FBXO7: variants seen among roughly 807,000 people sequenced by gnomAD.
FBXO7 encodes the protein F-box protein 7.
A neutral mutation model predicts 50.2 loss-of-function variants in FBXO7; 31 were observed. The observed-to-expected ratio is 0.62, with a 90% CI of 0.46 to 0.83. The LOEUF (loss-of-function observed/expected upper bound fraction) is 0.83, where lower values mean the gene tolerates loss of function less well. FBXO7 is among the 40% of genes least tolerant of loss of function. FBXO7 has a pLI of 0.00. For synonymous variants in FBXO7, 256 were observed against 253.1 expected (o/e 1.01, Z -0.11); for missense variants, 667 against 646.6 (o/e 1.03, Z -0.34).
At chr22:32,494,583 A>G (rs1324626566) in intron 7 of FBXO7, among the ~76,000 whole-genome samples, 1 of 151,830 alleles carries the variant, frequency 6.6e-6, no homozygotes, top group African/African-American at 2.4e-5. Context: ...CTCCAACTCA[A>G]AAAAGAATTG....
At position 32,485,146 on chromosome 22, in the gene FBXO7, C is replaced by G. The variant is rs1229365105; in HGVS notation, c.724C>G (p.Leu242Val). The change falls in exon 4 of 9, where the codon CTC becomes GTC. Residue 242 changes from leucine (L) to valine (V), a missense_variant. By Grantham distance (32) the Leu-to-Val change is conservative. Transcript: ENST00000266087. ...GVYKLQYMHP[L>V]CEGSSATLTC... ...GTATAAGCTGCAGTACATGCATCCT[C>G]TCTGCGAGGGCAGCTCCGCTACTCT... 1 of 1,614,066 alleles carries G rather than the reference C, an allele frequency of 6.2e-7. No homozygotes were observed. Among genetic ancestry groups the G allele is most frequent in the African/African-American group, 1.3e-5 (1 of 74,918 alleles).
At chr22:32,482,331 A>G (rs1002923496) in intron 2 of FBXO7, among the ~76,000 whole-genome samples, 7 of 152,190 alleles carry the variant, frequency 4.6e-5, no homozygotes, top group Admixed American at 4.6e-4. Flanking sequence ...TTGGAAGAAC[A>G]GCTGTCACCT....
rs2057447925 is a variant in FBXO7 at position 32,479,190 on chromosome 22, A to G, written c.332A>G (p.Asn111Ser). The G allele has an allele frequency of 3.7e-6, 6 of 1,613,996 alleles. No homozygotes were observed. Among genetic ancestry groups the G allele is most frequent in the African/African-American group, 1.3e-5 (1 of 74,902 alleles). The change falls in exon 2 of 9, where the codon AAT becomes AGT. Residue 111 changes from asparagine (N) to serine (S), a missense_variant. Transcript: ENST00000266087. ...NEQPSLATSS[N>S]QTSMQDEQPS... ...CAACCCTCTTTGGCCACCAGCTCCA[A>G]TCAGACTAGCATGCAGGATGAACAA...
intron 7 of FBXO7, 47 bp from the exon 8 acceptor site, chr22:32,495,446 A>C: frequency 7.6e-7 from 1 of 1,321,178 alleles, no homozygotes; most frequent in Non-Finnish European, 1.1e-6. Flanking sequence ...TTAATGCAGG[A>C]CGAATGAAAT....
chr22:32,490,976 G>A (rs2146000003), intron 5 of FBXO7, 110 bp from the exon 6 acceptor site: 3 of 780,324 alleles, frequency 3.8e-6, no homozygotes, highest in Non-Finnish European at 6.7e-6. Flanking sequence ...GCTTATCTTT[G>A]TGAATTATTT....
At chr22:32,480,071 C>T (rs2145989488) in intron 2 of FBXO7, among the ~76,000 whole-genome samples, 1 of 152,312 alleles carries the variant, frequency 6.6e-6, no homozygotes, top group East Asian at 1.9e-4. Context: ...AAATCTAGCC[C>T]ATTAATAAGC....
At chr22:32,475,513 C>A in intron 1 of FBXO7, 1 of 1,299,590 alleles carries the variant, frequency 7.7e-7, no homozygotes, top group Non-Finnish European at 1.1e-6. Context: ...TTGGGTTAAA[C>A]CTTTCTGGAC....
chr22:32,495,533 A>G lies in FBXO7; in HGVS notation c.1182+3A>G. 1 of 1,529,948 alleles carries G rather than the reference A, an allele frequency of 6.5e-7. No homozygotes were observed. The highest frequency in any genetic ancestry group is 9.0e-7 in the Non-Finnish European group (1 of 1,111,262). The allele number at this position is 1,529,948 out of a possible 1,614,324, so 94.8% of individuals were successfully genotyped here. On this transcript the variant is annotated splice_donor_region_variant and intron_variant, in intron 8 of 8. Coordinates refer to ENST00000266087, the MANE Select transcript of FBXO7 (RefSeq NM_012179.4). ...TTCAAGACACAGATTGGAAAGAAGT[A>G]GGTATTTTTAAATATTAAGACTAAT... is the stretch of plus-strand genomic sequence containing the variant.
chr22:32,495,676 C>G, intron 8 of FBXO7, 146 bp downstream of exon 8: 2 of 450,910 alleles, frequency 4.4e-6, no homozygotes, highest in Non-Finnish European at 7.8e-6. Flanking sequence ...AAAATGTTTT[C>G]AACTTTTACT....
Position 32,479,164 on chromosome 22 carries a change from G to C in FBXO7, c.306G>C (p.Glu102Asp). The C allele has an allele frequency of 1.2e-6, 2 of 1,614,096 alleles. No homozygotes were observed. The highest frequency in any genetic ancestry group is 1.7e-6 in the Non-Finnish European group (2 of 1,180,026). Reference protein sequence around the residue: ...DSEHSSLQNNEQPSLATSSNQ... With the variant: ...DSEHSSLQNNDQPSLATSSNQ... ...AGCATTCTTCACTCCAGAATAATGA[G>C]CAACCCTCTTTGGCCACCAGCTCCA... Residue 102 changes from glutamate (E) to aspartate (D), a missense_variant, in exon 2 of 9, where the codon GAG becomes GAC. Glu to Asp is a conservative substitution (Grantham distance 45). Transcript: ENST00000266087.
chr22:32,493,022 A>G (rs1306735681), intron 6 of FBXO7, 83 bp from the exon 7 acceptor site: 2 of 1,330,738 alleles, frequency 1.5e-6, no homozygotes, highest in Non-Finnish European at 2.2e-6. Flanking sequence ...GAAAGGAACA[A>G]GTGGCAACTT....
chr22:32,497,440 G>A (rs2057582423), intron 8 of FBXO7, among the ~76,000 whole-genome samples: 1 of 152,142 alleles, frequency 6.6e-6, no homozygotes, highest in African/African-American at 2.4e-5. Context: ...GCCTCCAGCT[G>A]CATCCAAGTT....
chr22:32,482,404 C>T (rs562820121), intron 2 of FBXO7, among the ~76,000 whole-genome samples: 1 of 152,278 alleles, frequency 6.6e-6, no homozygotes, highest in East Asian at 1.9e-4. Flanking sequence ...TCCTTTGCCC[C>T]TTCTTTAAAC....
chr22:32,493,809 A>G (rs12167896), intron 7 of FBXO7, among the ~76,000 whole-genome samples: 11,891 of 152,222 alleles, frequency 0.078, 560 homozygotes, highest in Non-Finnish European at 0.1. Context: ...CCATTTTACT[A>G]CATATTAGTG....
At position 32,485,172 on chromosome 22, in the gene FBXO7, C is replaced by T; in HGVS notation, c.750C>T (p.Leu250=). ...TCTGCGAGGGCAGCTCCGCTACTCTCACCTGTGTGCCTTTGGGAAACCTGA... is the reference window on the plus strand; with the variant it reads ...TCTGCGAGGGCAGCTCCGCTACTCTTACCTGTGTGCCTTTGGGAAACCTGA... ...HPLCEGSSAT[L]TCVPLGNLIV... is the part of the protein sequence containing the mutation. The change falls in exon 4 of 9, where the codon CTC becomes CTT. Residue 250 remains leucine, a synonymous_variant. Coordinates refer to ENST00000266087, the MANE Select transcript of FBXO7 (RefSeq NM_012179.4). The T allele has an allele frequency of 1.2e-6, 2 of 1,614,200 alleles. No individual in the cohort carries two copies. Among genetic ancestry groups the T allele is most frequent in the African/African-American group, 1.3e-5 (1 of 75,060 alleles).
chr22:32,480,533 C>T (rs1401848062), intron 2 of FBXO7, among the ~76,000 whole-genome samples: 3 of 152,010 alleles, frequency 2.0e-5, no homozygotes, highest in African/African-American at 7.3e-5. Flanking sequence ...GAACCTGTTA[C>T]CTTTCCTCCC....
intron 6 of FBXO7, 100 bp from the exon 7 acceptor site, chr22:32,493,005 C>A: frequency 8.6e-7 from 1 of 1,160,144 alleles, no homozygotes; most frequent in Non-Finnish European, 1.3e-6. Context: ...AATTTTCTGT[C>A]ACTTTAGAAA....
intron 4 of FBXO7, among the ~76,000 whole-genome samples, chr22:32,485,824 CTG>C (rs35963179): frequency 0.3 from 44,834 of 151,918 alleles, 7,227 homozygotes; most frequent in East Asian, 0.61. Context: ...CATTCCATCT[CTG>C]TGTTTTAGTT....
At chr22:32,479,840 T>G (rs1453229076) in intron 2 of FBXO7, among the ~76,000 whole-genome samples, 1 of 152,228 alleles carries the variant, frequency 6.6e-6, no homozygotes, top group Non-Finnish European at 1.5e-5. Flanking sequence ...TCTATTATTG[T>G]TCCTAAGCTC....
Sources: gnomAD v4.1 joint callset for allele counts (sites outside exome capture counted in the v4.1 genomes callset) on GRCh38, gnomAD v4.1.1 for gene constraint, MANE v1.5 for transcripts, NCBI Gene and HGNC (gene_info 2026-07-23, HGNC 2026-07-21) for gene names.